Variants in ATXN2 observed in about 807,000 individuals in gnomAD.
The protein encoded by ATXN2 is ataxin-2.
Under a neutral mutation model 138.6 loss-of-function variants are expected in ATXN2, and 37 were observed. The ratio of observed to expected loss-of-function variants is 0.27; its 90% CI spans 0.21 to 0.35. The LOEUF is 0.35. Among genes scored for constraint, ATXN2 ranks in the 10% least tolerant of loss-of-function variants. The probability of loss-of-function intolerance (pLI) is 1.00; values close to 1 mark genes in which losing one functional copy is unlikely to be tolerated. For synonymous variants in ATXN2, 549 were observed against 543.7 expected (o/e 1.01, Z -0.13); for missense variants, 1,216 against 1,480.3 (o/e 0.82, Z 2.93).
At chr12:111,501,797 T>A (rs554384636) in intron 14 of ATXN2, among the ~76,000 whole-genome samples, 1 of 152,344 alleles carries the variant, frequency 6.6e-6, no homozygotes, top group Non-Finnish European at 1.5e-5. Flanking sequence ...AGTTTAATTA[T>A]CATAAGAGTT....
At position 111,457,334 on chromosome 12, in the gene ATXN2, C is replaced by T. The variant is rs765497646; in HGVS notation, c.2922G>A (p.Gln974=). The stretch of plus-strand genomic sequence containing the variant: ...GCAGGGTAGCGTTAGGGTGCGCATA[C>T]TGCTGAGCAAGGGAGCCCGTGGAAA... The part of the protein sequence containing the change: ...FAISTGSLAQ[Q]YAHPNATLHP... The change falls in exon 22 of 25, where the codon CAG becomes CAA. Residue 974 remains glutamine (Q), a synonymous_variant. Coordinates refer to ENST00000673436, the MANE Select transcript of ATXN2 (RefSeq NM_001372574.1). 10 of 1,612,668 alleles carry T rather than the reference C, an allele frequency of 6.2e-6. No homozygotes were observed. The highest frequency in any genetic ancestry group is 1.6e-4 in the Middle Eastern group (1 of 6,076).
intron 23 of ATXN2, chr12:111,454,929 C>A: frequency 1.5e-6 from 1 of 658,252 alleles, no homozygotes; most frequent in South Asian, 1.6e-5. Flanking sequence ...ACGGACCAAA[C>A]CGGCTTCCCT....
chr12:111,498,668 C>T (rs1237058703), intron 14 of ATXN2, among the ~76,000 whole-genome samples: 1 of 151,942 alleles, frequency 6.6e-6, no homozygotes, highest in Non-Finnish European at 1.5e-5. Context: ...CAGTGCAATC[C>T]CTATCAAAAT....
intron 14 of ATXN2, among the ~76,000 whole-genome samples, chr12:111,501,802 A>G (rs894148499): frequency 6.6e-6 from 1 of 152,218 alleles, no homozygotes; most frequent in African/African-American, 2.4e-5. Flanking sequence ...AATTATCATA[A>G]GAGTTCTTGA....
Position 111,598,699 on chromosome 12 carries a change from G to C in ATXN2, c.251+85C>G. 1 of 912,746 alleles carries C rather than the reference G, an allele frequency of 1.1e-6. No homozygotes were observed. Among genetic ancestry groups the C allele is most frequent in the African/African-American group, 1.8e-5 (1 of 56,216 alleles). The allele number at this position is 912,746 out of a possible 1,614,324, so 56.5% of individuals were successfully genotyped here. A position where few individuals can be genotyped will look rare whatever the true frequency, so the allele number is the denominator to read the frequency against. ...CCAGCCCACCCCGGGTAGCCCGGCG[G>C]GTCACGGGGCGGGGACGGCGGCGCG... is the stretch of plus-strand genomic sequence containing the variant. On this transcript the variant is annotated intron_variant, in intron 1 of 24. Transcript: ENST00000673436. The surrounding 1 kb of genome is among the most constrained non-coding windows in gnomAD (Gnocchi z 4.5).
intron 7 of ATXN2, among the ~76,000 whole-genome samples, chr12:111,520,278 A>T (rs1880082684): frequency 6.6e-6 from 1 of 152,200 alleles, no homozygotes; most frequent in Non-Finnish European, 1.5e-5. Context: ...CCTTTTCTCC[A>T]GAGGAACATA....
At chr12:111,525,374 A>G in intron 5 of ATXN2, 58 bp from the exon 6 acceptor site, 1 of 1,437,638 alleles carries the variant, frequency 7.0e-7, no homozygotes, top group Admixed American at 2.6e-5. Flanking sequence ...TTACACTCAC[A>G]CACGTGAATT....
intron 1 of ATXN2, among the ~76,000 whole-genome samples, chr12:111,571,075 T>C (rs1883285839): frequency 6.6e-6 from 1 of 152,164 alleles, no homozygotes. Context: ...TCCTCTTCCA[T>C]CCCCTTTTTA....
chr12:111,545,520 C>T (rs952686054), intron 5 of ATXN2, among the ~76,000 whole-genome samples: 10 of 151,328 alleles, frequency 6.6e-5, no homozygotes, highest in South Asian at 2.1e-4. Context: ...GCTGAAATCA[C>T]GCCACTGCAC....
intron 1 of ATXN2, 43 bp from the exon 2 acceptor site, chr12:111,555,962 A>G: frequency 7.1e-7 from 1 of 1,408,920 alleles, no homozygotes; most frequent in South Asian, 1.3e-5. Context: ...CAACAGGCTA[A>G]ATAAGCTGAA....
intron 1 of ATXN2, among the ~76,000 whole-genome samples, chr12:111,589,662 C>T (rs1341647642): frequency 6.6e-6 from 1 of 151,998 alleles, no homozygotes; most frequent in African/African-American, 2.4e-5. Context: ...ATCCCAGCTA[C>T]TCGGGAGGCT....
Position 111,485,252 on chromosome 12 carries a change from G to A in ATXN2, c.2524+13C>T. The A allele has an allele frequency of 6.2e-7, 1 of 1,605,328 alleles. No individual in the cohort carries two copies. Among genetic ancestry groups the A allele is most frequent in the South Asian group, 1.1e-5 (1 of 90,040 alleles). ...TGCAAACTACAAGCAAACACAGGCAGGATTATTCTCACCTTTACCTGCTCT... is the reference window on the plus strand; with the variant it reads ...TGCAAACTACAAGCAAACACAGGCAAGATTATTCTCACCTTTACCTGCTCT... On this transcript the variant is annotated intron_variant, in intron 18 of 24. Coordinates refer to ENST00000673436, the MANE Select transcript of ATXN2 (RefSeq NM_001372574.1).
chr12:111,598,963 C>CTGCTGCTGCTGCTGCTGT lies in ATXN2; in HGVS notation c.71_72insACAGCAGCAGCAGCAGCA (p.Gln23_Gln28dup), dbSNP rs1555246689. ...CCGCGGGCGGCGGCTGCTGCTGCTG[C>CTGCTGCTGCTGCTGCTGT]TGCTGCTGCTGCTGTTGCTGCTGCT... On this transcript the variant is annotated inframe_insertion, in exon 1 of 25. Transcript: ENST00000673436. The surrounding 1 kb of genome is among the most constrained non-coding windows in gnomAD (Gnocchi z 4.5). The CTGCTGCTGCTGCTGCTGT allele has an allele frequency of 1.2e-3, 1,849 of 1,501,734 alleles. 8 individuals are homozygous for CTGCTGCTGCTGCTGCTGT. The highest frequency in any genetic ancestry group is 1.1e-3 in the Admixed American group (53 of 47,938). 93.0% of individuals were successfully genotyped at this position (1,501,734 alleles called of 1,614,324 possible). A position where few individuals can be genotyped will look rare whatever the true frequency, so the allele number is the denominator to read the frequency against.
intron 1 of ATXN2, among the ~76,000 whole-genome samples, chr12:111,584,030 C>T (rs913011327): frequency 2.0e-5 from 3 of 151,874 alleles, no homozygotes; most frequent in Non-Finnish European, 4.4e-5. Context: ...CCTTTTACTG[C>T]GTTTCTCTGG....
chr12:111,491,225 C>T (rs938590820), intron 14 of ATXN2, among the ~76,000 whole-genome samples: 1 of 152,130 alleles, frequency 6.6e-6, no homozygotes, highest in African/African-American at 2.4e-5. Flanking sequence ...TATACTCCAG[C>T]CTGGGCAATA....
At chr12:111,573,163 TTTC>T (rs1418186470) in intron 1 of ATXN2, among the ~76,000 whole-genome samples, 1 of 152,012 alleles carries the variant, frequency 6.6e-6, no homozygotes, top group Non-Finnish European at 1.5e-5. Context: ...ACCGGATTGT[TTTC>T]TTCATTATTG....
chr12:111,552,531 C>A lies in ATXN2; in HGVS notation c.421-101G>T. The stretch of plus-strand genomic sequence containing the variant: ...GGTACCAGTTCTTATATGCCTTTGA[C>A]AAAAATAATCTCAAGAGAATCATAC... On this transcript the variant is annotated intron_variant, in intron 4 of 24. Coordinates refer to ENST00000673436, the MANE Select transcript of ATXN2 (RefSeq NM_001372574.1). This position sits in a 1 kb window ranked among gnomAD's most constrained non-coding sequence, Gnocchi z 4.1. 1 of 1,169,256 alleles carries A rather than the reference C, an allele frequency of 8.6e-7. No homozygotes were observed. The highest frequency in any genetic ancestry group is 1.2e-6 in the Non-Finnish European group (1 of 850,370). The allele number at this position is 1,169,256 out of a possible 1,614,324, so 72.4% of individuals were successfully genotyped here.
At chr12:111,539,989 T>C (rs1025315655) in intron 5 of ATXN2, among the ~76,000 whole-genome samples, 3 of 150,440 alleles carry the variant, frequency 2.0e-5, no homozygotes, top group South Asian at 4.2e-4. Context: ...ATTCCAATTC[T>C]TACAGCTGTA....
At chr12:111,489,337 G>C (rs187418229) in intron 14 of ATXN2, among the ~76,000 whole-genome samples, 1 of 152,110 alleles carries the variant, frequency 6.6e-6, no homozygotes, top group African/African-American at 2.4e-5. Flanking sequence ...AATGGGGGCC[G>C]GGCACGGTGG....
Sources: allele counts gnomAD v4.1 joint callset (sites outside exome capture counted in the v4.1 genomes callset), GRCh38; gene constraint gnomAD v4.1.1; non-coding constraint Gnocchi (gnomAD v3.1); transcripts MANE v1.5; gene names NCBI Gene and HGNC (gene_info 2026-07-23, HGNC 2026-07-21).